The following WWOX variants were observed in gnomAD, a reference collection of about 807,000 sequenced individuals.
WWOX encodes WW domain-containing oxidoreductase.
In WWOX, 69 loss-of-function variants were observed where a neutral mutation model predicts 46.2. The ratio of observed to expected loss-of-function variants is 1.49; its 90% CI spans 1.23 to 1.82. The LOEUF (loss-of-function observed/expected upper bound fraction) is 1.82, where lower values mean the gene tolerates loss of function less well. Among genes scored for constraint, WWOX ranks in the 40% most tolerant of loss-of-function variants. WWOX has a pLI of 0.00. For synonymous variants in WWOX, 359 were observed against 202.6 expected (o/e 1.77, Z -6.56); for missense variants, 919 against 542.6 (o/e 1.69, Z -6.89).
intron 5 of WWOX, among the ~76,000 whole-genome samples, chr16:78,206,271 G>T (rs562651189): frequency 3.9e-4 from 59 of 152,210 alleles, no homozygotes; most frequent in African/African-American, 7.5e-4. Flanking sequence ...TTTTGGAAAT[G>T]AGCCTGTCAT....
rs747448353 is a variant in WWOX, at chr16:78,934,337, C to CAA, written c.1057-277258_1057-277257dup. Reference sequence around the variant, plus strand: ...TGGGCGACAGAGCAAGTCTCCGTCTCAAAAAAAAAAAAAAGAAGAAACTTA... The same window carrying CAA: ...TGGGCGACAGAGCAAGTCTCCGTCTCAAAAAAAAAAAAAAAAGAAGAAACTTA... On this transcript the variant is annotated intron_variant, in intron 8 of 8. Coordinates refer to ENST00000566780, the MANE Select transcript of WWOX (RefSeq NM_016373.4). 2.4e-4 allele frequency among the ~76,000 whole-genome samples: 19 copies of CAA among 78,300 alleles called. 1 individual carries two copies. Among genetic ancestry groups the CAA allele is most frequent in the African/African-American group, 1.0e-3 (18 of 17,558 alleles). 51.4% of individuals were successfully genotyped at this position (78,300 alleles called of 152,430 possible). A position where few individuals can be genotyped will look rare whatever the true frequency, so the allele number is the denominator to read the frequency against.
intron 8 of WWOX, among the ~76,000 whole-genome samples, chr16:78,639,071 G>A (rs1011684918): frequency 2.1e-4 from 32 of 152,254 alleles, no homozygotes; most frequent in African/African-American, 7.5e-4. Context: ...TTTAGTGCTA[G>A]AAAAGCTGGG....
intron 8 of WWOX, among the ~76,000 whole-genome samples, chr16:79,019,545 G>A (rs2047489445): frequency 6.6e-6 from 1 of 152,102 alleles, no homozygotes; most frequent in Non-Finnish European, 1.5e-5. Context: ...AAGTTGTCAT[G>A]TAGCCCATGA....
chr16:78,899,016 C>A (rs1190303495), intron 8 of WWOX: 3 of 152,054 alleles, frequency 2.0e-5, no homozygotes, highest in African/African-American at 7.2e-5. Context: ...TAAATAGATT[C>A]TGTAGAATTC....
intron 8 of WWOX, among the ~76,000 whole-genome samples, chr16:78,764,648 A>G (rs1457297468): frequency 6.8e-6 from 1 of 147,594 alleles, no homozygotes; most frequent in Non-Finnish European, 1.5e-5. Flanking sequence ...TTCCAACATT[A>G]CCTTTGATAA....
intron 8 of WWOX, among the ~76,000 whole-genome samples, chr16:79,196,922 T>G (rs543667423): frequency 6.6e-6 from 1 of 152,314 alleles, no homozygotes; most frequent in Non-Finnish European, 1.5e-5. Context: ...CCTGAGCATC[T>G]TTCAATTCCT....
At chr16:78,472,840 T>C (rs1263021057) in intron 8 of WWOX, among the ~76,000 whole-genome samples, 2 of 142,796 alleles carry the variant, frequency 1.4e-5, no homozygotes, top group Non-Finnish European at 3.0e-5. Flanking sequence ...AAAAAAATTA[T>C]GTCATTTCGT....
At chr16:79,036,856 AAG>A (rs2047876846) in intron 8 of WWOX, among the ~76,000 whole-genome samples, 1 of 152,196 alleles carries the variant, frequency 6.6e-6, no homozygotes, top group Non-Finnish European at 1.5e-5. Flanking sequence ...TAGACACATG[AAG>A]AGAGGATCAG....
At chr16:78,640,504 G>C (rs1352637588) in intron 8 of WWOX, among the ~76,000 whole-genome samples, 2 of 152,036 alleles carry the variant, frequency 1.3e-5, no homozygotes, top group African/African-American at 4.8e-5. Context: ...CATGAAGCAG[G>C]GGTTTGCATC....
chr16:78,934,779 G>A (rs377388071), intron 8 of WWOX, among the ~76,000 whole-genome samples: 1 of 152,136 alleles, frequency 6.6e-6, no homozygotes, highest in African/African-American at 2.4e-5. Flanking sequence ...AGATTTAAAT[G>A]CAGGCCTATA....
intron 8 of WWOX, among the ~76,000 whole-genome samples, chr16:78,671,443 CATAA>C (rs2047461510): frequency 6.6e-6 from 1 of 152,156 alleles, no homozygotes; most frequent in Non-Finnish European, 1.5e-5. Context: ...AAAAATAAAA[CATAA>C]ATAAATTTCT....
At position 79,124,348 on chromosome 16, in the gene WWOX, T is replaced by TG. The variant is rs552319424; in HGVS notation, c.1057-87259dup. Reference sequence around the variant, plus strand: ...GGGTTTGTTTTATTCATGGACTTTTTGAAAAAAAAATCACTGGTTTATTGG... The same window carrying TG: ...GGGTTTGTTTTATTCATGGACTTTTTGGAAAAAAAAATCACTGGTTTATTGG... On this transcript the variant is annotated intron_variant, in intron 8 of 8. Coordinates refer to ENST00000566780, the MANE Select transcript of WWOX (RefSeq NM_016373.4). 4.3e-4 allele frequency among the ~76,000 whole-genome samples: 54 copies of TG among 125,808 alleles called. No homozygotes were observed. In the South Asian group the frequency reaches 0.015, roughly 35 times the overall value. 82.5% of individuals were successfully genotyped at this position (125,808 alleles called of 152,430 possible). A position where few individuals can be genotyped will look rare whatever the true frequency, so the allele number is the denominator to read the frequency against.
At chr16:78,538,733 C>T (rs1264919478) in intron 8 of WWOX, among the ~76,000 whole-genome samples, 1 of 152,140 alleles carries the variant, frequency 6.6e-6, no homozygotes, top group African/African-American at 2.4e-5. Flanking sequence ...ATTTCTAATA[C>T]CAGCATCTGA....
At chr16:78,957,946 C>T (rs566778557) in intron 8 of WWOX, among the ~76,000 whole-genome samples, 9 of 152,334 alleles carry the variant, frequency 5.9e-5, no homozygotes, top group Non-Finnish European at 8.8e-5. Flanking sequence ...ACCACATCAG[C>T]ACATTTGCTG....
In WWOX at chr16:78,284,387, C is replaced by T. The variant is rs113937406; in HGVS notation, c.517-102473C>T. ...GTGCTGGCTTTCTGAACCTCTTGCC[C>T]ACCTAGGCATGCCTGCTACTTTGAA... On this transcript the variant is annotated intron_variant, in intron 5 of 8. Coordinates refer to ENST00000566780, the MANE Select transcript of WWOX (RefSeq NM_016373.4). Among the ~76,000 whole-genome samples, 306 of 152,304 alleles carry T rather than the reference C, an allele frequency of 2.0e-3. 2 individuals carry two copies. The highest frequency in any genetic ancestry group is 6.9e-3 in the African/African-American group (286 of 41,562).
At chr16:78,514,437 A>AT (rs762007283) in intron 8 of WWOX, among the ~76,000 whole-genome samples, 2 of 152,150 alleles carry the variant, frequency 1.3e-5, no homozygotes, top group Non-Finnish European at 1.5e-5. Context: ...GGATAGATAC[A>AT]TTTTCCATGT....
rs147230015 is a variant in WWOX at position 78,229,281 on chromosome 16, A to T, written c.516+64992A>T. 2.2e-3 allele frequency among the ~76,000 whole-genome samples: 332 copies of T among 151,334 alleles called. 2 individuals are homozygous for T. Among genetic ancestry groups the T allele is most frequent in the East Asian group, 0.022 (113 of 5,174 alleles). ...ATGAAAAAAAAAACAGGAATAAATA[A>T]AAAGAATAAAAAGAGCCAGGACTAG... On this transcript the variant is annotated intron_variant, in intron 5 of 8. Transcript: ENST00000566780.
chr16:78,801,057 CT>C (rs879409458), intron 8 of WWOX, among the ~76,000 whole-genome samples: 382 of 145,324 alleles, frequency 2.6e-3, no homozygotes, highest in Middle Eastern at 7.4e-3. Flanking sequence ...CTCTCTACCT[CT>C]TTTTTTTTTT....
chr16:78,649,877 A>C (rs2046927813), intron 8 of WWOX, among the ~76,000 whole-genome samples: 1 of 152,208 alleles, frequency 6.6e-6, no homozygotes, highest in Non-Finnish European at 1.5e-5. Flanking sequence ...ATATGGTATA[A>C]GGCACAGTAG....
Sources: gnomAD v4.1 joint callset for allele counts (sites outside exome capture counted in the v4.1 genomes callset) on GRCh38, gnomAD v4.1.1 for gene constraint, MANE v1.5 for transcripts, NCBI Gene and HGNC (gene_info 2026-07-23, HGNC 2026-07-21) for gene names.